ACR: variants seen among roughly 807,000 people sequenced by gnomAD.
ACR encodes acrosin.
In ACR, 17 loss-of-function variants were observed where a neutral mutation model predicts 26.0. That is an observed-to-expected ratio of 0.65 (90% CI 0.45 to 0.98). The LOEUF is 0.98. Ranked by LOEUF, ACR falls within the 50% of genes least tolerant of loss-of-function variation. The probability of loss-of-function intolerance (pLI) is 0.00; values close to 1 mark genes in which losing one functional copy is unlikely to be tolerated. For synonymous variants in ACR, 199 were observed against 207.7 expected, an observed-to-expected ratio of 0.96 and a Z score of 0.36; for missense variants, 435 against 519.3, an observed-to-expected ratio of 0.84 and a Z score of 1.58.
chr22:50,742,865 C>T (rs1239248584), intron 3 of ACR, among the ~76,000 whole-genome samples: 1 of 152,178 alleles, frequency 6.6e-6, no homozygotes, highest in African/African-American at 2.4e-5. Context: ...CTGCAGGTGA[C>T]GTCCAGATCC....
Position 50,739,528 on chromosome 22 carries a change from G to A in ACR, c.281+54G>A, listed in dbSNP as rs1221775923. Reference sequence around the variant, plus strand: ...CTTCAGAACGGCTCTTCTCAGAGAGGGGCGTTCCCCGGGGATGCTGTGCAG... The same window carrying A: ...CTTCAGAACGGCTCTTCTCAGAGAGAGGCGTTCCCCGGGGATGCTGTGCAG... On this transcript the variant is annotated intron_variant, in intron 2 of 4. Coordinates refer to ENST00000216139, the MANE Select transcript of ACR (RefSeq NM_001097.3). The surrounding 1 kb of genome is among the most constrained non-coding windows in gnomAD (Gnocchi z 5.5). 1 of 1,604,618 alleles carries A rather than the reference G, an allele frequency of 6.2e-7. No homozygotes were observed. The highest frequency in any genetic ancestry group is 8.5e-7 in the Non-Finnish European group (1 of 1,172,616).
chr22:50,740,266 T>C, intron 3 of ACR: 1 of 574,948 alleles, frequency 1.7e-6, no homozygotes, highest in South Asian at 2.0e-5. Context: ...CCCAAGCTGC[T>C]GGATCCTGGA....
chr22:50,738,302 G>A lies in ACR; in HGVS notation c.67G>A (p.Ala23Thr), dbSNP rs1272231856. The A allele has an allele frequency of 5.0e-6, 8 of 1,613,748 alleles. No homozygotes were observed. The highest frequency in any genetic ancestry group is 3.3e-5 in the Admixed American group (2 of 59,990). ...AGTGTCCGTGGTTGCTAAAGATAAC[G>A]CCACGTGTGAGTAAGTGTCGGGGCA... ...LAVSVVAKDNATCDGPCGLRF... is the reference protein window; with the variant it reads ...LAVSVVAKDNTTCDGPCGLRF... The change falls in exon 1 of 5, where the codon GCC (alanine) becomes ACC (threonine). Residue 23 changes from alanine to threonine, a missense_variant. Transcript: ENST00000216139.
chr22:50,742,283 T>G (rs1053514928), intron 3 of ACR, among the ~76,000 whole-genome samples: 2 of 152,162 alleles, frequency 1.3e-5, no homozygotes, highest in Admixed American at 6.5e-5. Context: ...GGTGGCTCAC[T>G]CCTGTAATCC....
At chr22:50,743,145 C>T (rs1345769199) in intron 3 of ACR, among the ~76,000 whole-genome samples, 2 of 150,792 alleles carry the variant, frequency 1.3e-5, no homozygotes, top group Non-Finnish European at 3.0e-5. Flanking sequence ...ACGCCATTCT[C>T]CTGCCTCAGC....
At chr22:50,742,599 T>C (rs1212974394) in intron 3 of ACR, among the ~76,000 whole-genome samples, 2 of 151,642 alleles carry the variant, frequency 1.3e-5, no homozygotes, top group Non-Finnish European at 2.9e-5. Flanking sequence ...ATTGTTGTCA[T>C]TGTTGTTTCA....
intron 3 of ACR, among the ~76,000 whole-genome samples, chr22:50,743,791 AC>A (rs1197006613): frequency 6.6e-6 from 1 of 151,976 alleles, no homozygotes; most frequent in African/African-American, 2.4e-5. Flanking sequence ...GTTAATACGC[AC>A]ACCCACCCCC....
In ACR at chr22:50,739,519, C is replaced by T. The variant is rs2083414630; in HGVS notation, c.281+45C>T. Reference sequence around the variant, plus strand: ...GAGGGAGGTCTTCAGAACGGCTCTTCTCAGAGAGGGGCGTTCCCCGGGGAT... The same window carrying T: ...GAGGGAGGTCTTCAGAACGGCTCTTTTCAGAGAGGGGCGTTCCCCGGGGAT... On this transcript the variant is annotated intron_variant, in intron 2 of 4. Coordinates refer to ENST00000216139, the MANE Select transcript of ACR (RefSeq NM_001097.3). The surrounding 1 kb of genome is among the most constrained non-coding windows in gnomAD (Gnocchi z 5.5). The T allele has an allele frequency of 6.2e-7, 1 of 1,607,832 alleles. No homozygotes were observed. Among genetic ancestry groups the T allele is most frequent in the Non-Finnish European group, 8.5e-7 (1 of 1,175,052 alleles).
At chr22:50,740,161 T>C in intron 3 of ACR, 184 bp downstream of exon 3, 3 of 781,284 alleles carry the variant, frequency 3.8e-6, no homozygotes, top group Non-Finnish European at 6.5e-6. Flanking sequence ...GGGTGACTCG[T>C]CTGGCTGTCT....
intron 3 of ACR, 168 bp downstream of exon 3, chr22:50,740,145 C>T (rs1033589523): frequency 3.2e-5 from 28 of 871,266 alleles, no homozygotes; most frequent in Admixed American, 6.0e-5. Flanking sequence ...TGCCAGGTCA[C>T]GTGATGGGTG....
Position 50,739,502 on chromosome 22 carries a change from T to C in ACR, c.281+28T>C. On this transcript the variant is annotated intron_variant, in intron 2 of 4. Coordinates refer to ENST00000216139, the MANE Select transcript of ACR (RefSeq NM_001097.3). The surrounding 1 kb of genome is among the most constrained non-coding windows in gnomAD (Gnocchi z 5.5). ...ACGTGTAGGGATGCACTGAGGGAGG[T>C]CTTCAGAACGGCTCTTCTCAGAGAG... 2 of 1,611,694 alleles carry C rather than the reference T, an allele frequency of 1.2e-6. No homozygotes were observed. The highest frequency in any genetic ancestry group is 1.7e-6 in the Non-Finnish European group (2 of 1,178,374).
intron 3 of ACR, chr22:50,740,647 T>G (rs1182283144): frequency 1.4e-6 from 1 of 702,378 alleles, no homozygotes; most frequent in African/African-American, 1.7e-5. Flanking sequence ...GGCAGGTACC[T>G]CTCCATTCAA....
chr22:50,744,990 C>A lies in ACR; in HGVS notation c.1049C>A (p.Pro350His). The A allele has an allele frequency of 5.7e-6, 5 of 884,226 alleles. No homozygotes were observed. In the Admixed American group the frequency reaches 7.9e-5, roughly 14 times the overall value. 54.8% of individuals were successfully genotyped at this position (884,226 alleles called of 1,614,324 possible). A position where few individuals can be genotyped will look rare whatever the true frequency, so the allele number is the denominator to read the frequency against. The change falls in exon 5 of 5, where the codon CCC becomes CAC. Residue 350 changes from proline to histidine, a missense_variant. Physicochemically the swap from Pro to His is moderately conservative, Grantham distance 77. Coordinates refer to ENST00000216139, the MANE Select transcript of ACR (RefSeq NM_001097.3). The stretch of plus-strand genomic sequence containing the variant: ...GCCCAGCCCCGACCCCCACCTTCAC[C>A]CCCGCCCCCACCCCCACCTCCAGCC... ...PAAQPRPPPSPPPPPPPPASP... is the reference protein window; with the variant it reads ...PAAQPRPPPSHPPPPPPPASP...
rs1202753026 is a variant in ACR at position 50,739,240 on chromosome 22, A to T, written c.78-31A>T. The T allele has an allele frequency of 3.3e-6, 5 of 1,536,530 alleles. No individual in the cohort carries two copies. The highest frequency in any genetic ancestry group is 8.8e-7 in the Non-Finnish European group (1 of 1,134,618). The stretch of plus-strand genomic sequence containing the variant: ...TACAAGGACAGGCTGTGCTCATGCC[A>T]GGTTTGAACTGTGCTCTGGTCTCTC... On this transcript the variant is annotated intron_variant, in intron 1 of 4. Coordinates refer to ENST00000216139, the MANE Select transcript of ACR (RefSeq NM_001097.3). This position sits in a 1 kb window ranked among gnomAD's most constrained non-coding sequence, Gnocchi z 5.5.
intron 1 of ACR, among the ~76,000 whole-genome samples, chr22:50,738,951 C>T (rs886881552): frequency 1.3e-5 from 2 of 152,164 alleles, no homozygotes; most frequent in Non-Finnish European, 2.9e-5. Context: ...TGTCCCCAGG[C>T]CCCGCATCCC....
At position 50,740,166 on chromosome 22, in the gene ACR, C is replaced by T. The variant is rs574848361; in HGVS notation, c.565+189C>T. 3.5e-5 allele frequency: 27 copies of T among 765,062 alleles called. 1 individual carries two copies. In the South Asian group the frequency reaches 3.7e-4, roughly 10 times the overall value. 47.4% of individuals were successfully genotyped at this position (765,062 alleles called of 1,614,324 possible). A position where few individuals can be genotyped will look rare whatever the true frequency, so the allele number is the denominator to read the frequency against. On this transcript the variant is annotated intron_variant, in intron 3 of 4. Transcript: ENST00000216139. The stretch of plus-strand genomic sequence containing the variant: ...GTCACGTGATGGGTGACTCGTCTGG[C>T]TGTCTACGGGGGGGCTGACAGCAGG...
At chr22:50,743,036 T>A (rs1226146127) in intron 3 of ACR, among the ~76,000 whole-genome samples, 1 of 151,942 alleles carries the variant, frequency 6.6e-6, no homozygotes, top group Non-Finnish European at 1.5e-5. Flanking sequence ...GTCCAGCGCT[T>A]TCTTTCTTTT....
In ACR at chr22:50,745,165, C is replaced by T; in HGVS notation, c.1224C>T (p.Asp408=). Residue 408 remains aspartate, a synonymous_variant, in exon 5 of 5, where the codon GAC becomes GAT. Transcript: ENST00000216139. The part of the protein sequence containing the change: ...KTYSDGKNHY[D]METTELPELT... ...ATTCCGACGGAAAGAACCATTATGA[C>T]ATGGAGACCACAGAGCTCCCAGAAC... The T allele has an allele frequency of 1.1e-6, 1 of 877,962 alleles. No individual in the cohort carries two copies. The highest frequency in any genetic ancestry group is 1.7e-6 in the Non-Finnish European group (1 of 590,500). 54.4% of individuals were successfully genotyped at this position (877,962 alleles called of 1,614,324 possible).
At position 50,739,382 on chromosome 22, in the gene ACR, C is replaced by G. The variant is rs1361108473; in HGVS notation, c.189C>G (p.Phe63Leu). 2 of 1,613,998 alleles carry G rather than the reference C, an allele frequency of 1.2e-6. No homozygotes were observed. Among genetic ancestry groups the G allele is most frequent in the Admixed American group, 1.7e-5 (1 of 59,998 alleles). ...CCTGGATGGTCAGCCTCCAGATCTT[C>G]ACGTACAACAGCCACAGGTACCACA... is the stretch of plus-strand genomic sequence containing the variant. ...AWPWMVSLQIFTYNSHRYHTC... is the reference protein window; with the variant it reads ...AWPWMVSLQILTYNSHRYHTC... Residue 63 changes from phenylalanine (F) to leucine (L), a missense_variant, in exon 2 of 5, where the codon TTC becomes TTG. Around this residue, in one of 3 missense-constraint regions of ACR, gnomAD observed 314 missense variants for 372.0 expected, o/e 0.84. Coordinates refer to ENST00000216139, the MANE Select transcript of ACR (RefSeq NM_001097.3). This position sits in a 1 kb window ranked among gnomAD's most constrained non-coding sequence, Gnocchi z 5.5.
Sources: gnomAD v4.1 joint callset for allele counts (sites outside exome capture counted in the v4.1 genomes callset) on GRCh38, gnomAD v4.1.1 for gene constraint, gnomAD v4.1.1 regional missense constraint, Gnocchi (gnomAD v3.1) non-coding constraint, MANE v1.5 for transcripts, NCBI Gene and HGNC (gene_info 2026-07-23, HGNC 2026-07-21) for gene names.